GPC6: variants seen among roughly 807,000 people sequenced by gnomAD.
The protein encoded by GPC6 is glypican-6.
In GPC6, 14 loss-of-function variants were observed where a neutral mutation model predicts 55.2. The observed-to-expected ratio is 0.25, with a 90% CI of 0.17 to 0.40. The LOEUF (loss-of-function observed/expected upper bound fraction) is 0.40, where lower values mean the gene tolerates loss of function less well. GPC6 is among the 10% of genes least tolerant of loss of function. The pLI is 1.00. For missense variants in GPC6, 641 were observed against 708.5 expected (o/e 0.90, Z 1.08); for synonymous variants, 278 against 259.6 (o/e 1.07, Z -0.68).
At chr13:94,132,157 A>G (rs920711873) in intron 4 of GPC6, among the ~76,000 whole-genome samples, 13 of 152,174 alleles carry the variant, frequency 8.5e-5, no homozygotes, top group Admixed American at 8.5e-4. Context: ...AGAGCGAGGT[A>G]CAGAAGACTC....
intron 4 of GPC6, among the ~76,000 whole-genome samples, chr13:94,158,862 C>T (rs1888053636): frequency 6.6e-6 from 1 of 152,104 alleles, no homozygotes; most frequent in African/African-American, 2.4e-5. Context: ...AATTACAAGA[C>T]ATAGCATATG....
At chr13:93,814,271 A>T (rs2138955627) in intron 2 of GPC6, among the ~76,000 whole-genome samples, 1 of 152,318 alleles carries the variant, frequency 6.6e-6, no homozygotes, top group African/African-American at 2.4e-5. Flanking sequence ...ATATTTCTAG[A>T]AAAATGTTAA....
At chr13:93,601,991 T>A (rs1174598346) in intron 2 of GPC6, among the ~76,000 whole-genome samples, 1 of 152,236 alleles carries the variant, frequency 6.6e-6, no homozygotes, top group Non-Finnish European at 1.5e-5. Flanking sequence ...TTGCTTTAAA[T>A]CCTGAGATTG....
chr13:94,373,707 C>A (rs1175738032), intron 6 of GPC6, among the ~76,000 whole-genome samples: 2 of 152,118 alleles, frequency 1.3e-5, no homozygotes, highest in Non-Finnish European at 2.9e-5. Flanking sequence ...TCAGGAAATA[C>A]AGAGAACGCC....
At position 93,598,279 on chromosome 13, in the gene GPC6, G is replaced by C. The variant is rs1348706294; in HGVS notation, c.319+52858G>C. Among the ~76,000 whole-genome samples the C allele has an allele frequency of 2.6e-5, 4 of 152,260 alleles. No individual in the cohort carries two copies. The East Asian group carries it at 7.7e-4, about 29-fold the overall frequency. The stretch of plus-strand genomic sequence containing the variant: ...GGTGATGTTAACACATCGAGTCCAG[G>C]CTTGTTTCTGTGCATATCATGATGT... On this transcript the variant is annotated intron_variant, in intron 2 of 8. Transcript: ENST00000377047.
At chr13:94,338,951 T>C (rs76971224) in intron 6 of GPC6, among the ~76,000 whole-genome samples, 6,022 of 152,310 alleles carry the variant, frequency 0.04, 189 homozygotes, top group Non-Finnish European at 0.064. Flanking sequence ...CCATGATCTC[T>C]GTCTGGAATG....
At chr13:93,927,660 CT>C (rs1231646446) in intron 3 of GPC6, among the ~76,000 whole-genome samples, 5 of 147,330 alleles carry the variant, frequency 3.4e-5, no homozygotes, top group African/African-American at 1.3e-4. Context: ...GTTACTTAAT[CT>C]GTCTTAGCTT....
At chr13:94,231,841 T>A (rs112720058) in intron 4 of GPC6, among the ~76,000 whole-genome samples, 13 of 147,198 alleles carry the variant, frequency 8.8e-5, no homozygotes, top group African/African-American at 3.5e-4. Context: ...ACAAAAAAAA[T>A]GTCTGCTTGT....
intron 1 of GPC6, among the ~76,000 whole-genome samples, chr13:93,541,871 G>A (rs1213305022): frequency 6.7e-6 from 1 of 150,360 alleles, no homozygotes; most frequent in Admixed American, 6.7e-5. Flanking sequence ...TTTTGATGGG[G>A]TTGTTTTTTT....
At chr13:93,591,676 T>C (rs1877493992) in intron 2 of GPC6, among the ~76,000 whole-genome samples, 1 of 152,168 alleles carries the variant, frequency 6.6e-6, no homozygotes, top group Non-Finnish European at 1.5e-5. Flanking sequence ...TCAGGACCTG[T>C]ACTGTATGTA....
intron 4 of GPC6, among the ~76,000 whole-genome samples, chr13:94,178,851 A>G (rs996735643): frequency 1.2e-4 from 18 of 152,210 alleles, no homozygotes; most frequent in African/African-American, 4.3e-4. Flanking sequence ...GAGATGATGA[A>G]TCTAAACGGT....
chr13:93,334,518 AG>A (rs1566304465), intron 1 of GPC6, among the ~76,000 whole-genome samples: 2 of 152,128 alleles, frequency 1.3e-5, no homozygotes, highest in African/African-American at 4.8e-5. Flanking sequence ...ACTGGAGTGC[AG>A]TGGTACAATC....
At chr13:93,456,873 C>T (rs1396284438) in intron 1 of GPC6, among the ~76,000 whole-genome samples, 1 of 152,216 alleles carries the variant, frequency 6.6e-6, no homozygotes, top group Non-Finnish European at 1.5e-5. Context: ...TGTGTCCCCA[C>T]CCGAATCTCA....
chr13:93,953,808 C>A (rs1326894595), intron 3 of GPC6, among the ~76,000 whole-genome samples: 1 of 152,158 alleles, frequency 6.6e-6, no homozygotes, highest in Non-Finnish European at 1.5e-5. Context: ...TAGGTTGAGT[C>A]ATATTCTGTA....
At chr13:93,696,004 C>A (rs967672792) in intron 2 of GPC6, among the ~76,000 whole-genome samples, 1 of 152,014 alleles carries the variant, frequency 6.6e-6, no homozygotes, top group Non-Finnish European at 1.5e-5. Flanking sequence ...CAATTTAATG[C>A]AGTGTTTGCA....
chr13:94,031,534 G>A (rs1410935777), intron 4 of GPC6, among the ~76,000 whole-genome samples: 2 of 152,078 alleles, frequency 1.3e-5, no homozygotes, highest in African/African-American at 4.8e-5. Flanking sequence ...GTCACTATTA[G>A]AAACTATGCA....
chr13:93,784,409 G>T (rs1329428904), intron 2 of GPC6, among the ~76,000 whole-genome samples: 3 of 152,112 alleles, frequency 2.0e-5, no homozygotes. Flanking sequence ...AGCAAACAGA[G>T]ATGTAGGGAA....
At chr13:93,595,771 T>C (rs1370521825) in intron 2 of GPC6, among the ~76,000 whole-genome samples, 1 of 152,212 alleles carries the variant, frequency 6.6e-6, no homozygotes, top group Non-Finnish European at 1.5e-5. Context: ...TTTTAAAATG[T>C]GTGATTTGGC....
rs530094805 is a variant in GPC6, at chr13:93,397,397, T to A, written c.161-147866T>A. ...GTGGTTTTTATTTAGATTTCCCTAA[T>A]GATTAATACTATTCAACATTTTCTC... On this transcript the variant is annotated intron_variant, in intron 1 of 8. Coordinates refer to ENST00000377047, the MANE Select transcript of GPC6 (RefSeq NM_005708.5). Among the ~76,000 whole-genome samples the A allele has an allele frequency of 2.0e-5, 3 of 152,338 alleles. No individual in the cohort carries two copies. The East Asian group carries it at 5.8e-4, about 29-fold the overall frequency.
Sources: allele counts gnomAD v4.1 joint callset (sites outside exome capture counted in the v4.1 genomes callset), GRCh38; gene constraint gnomAD v4.1.1; transcripts MANE v1.5; gene names NCBI Gene and HGNC (gene_info 2026-07-23, HGNC 2026-07-21).